Variants in STK32A observed in about 807,000 individuals in gnomAD.
STK32A encodes the protein serine/threonine-protein kinase 32A.
In STK32A, 41 loss-of-function variants were observed where a neutral mutation model predicts 53.2. The observed-to-expected ratio is 0.77, with a 90% CI of 0.60 to 1.00. STK32A has a LOEUF of 1.00. STK32A is among the 50% of genes least tolerant of loss of function. STK32A has a pLI of 0.00. For synonymous variants in STK32A, 166 were observed against 162.8 expected, an observed-to-expected ratio of 1.02 and a Z score of -0.15; for missense variants, 458 against 485.8, an observed-to-expected ratio of 0.94 and a Z score of 0.54.
chr5:147,249,207 T>C (rs1753876202), intron 2 of STK32A, among the ~76,000 whole-genome samples: 1 of 152,168 alleles, frequency 6.6e-6, no homozygotes, highest in African/African-American at 2.4e-5. Context: ...ATTGTGGAAA[T>C]AGAATTTTTT....
At chr5:147,289,158 G>GTT (rs149609239) in intron 4 of STK32A, among the ~76,000 whole-genome samples, 21,124 of 151,500 alleles carry the variant, frequency 0.14, 1,945 homozygotes, top group South Asian at 0.37. Context: ...TATGTTGCTT[G>GTT]TTTTGTTTTG....
chr5:147,401,515 T>C, the STK32A span: 19 of 1,594,050 alleles, frequency 1.2e-5, no homozygotes, highest in African/African-American at 2.6e-4. Context: ...ACAAAACGCC[T>C]GCTGCTGGGC....
intron 4 of STK32A, among the ~76,000 whole-genome samples, chr5:147,302,308 A>T (rs6872651): frequency 0.19 from 28,260 of 152,144 alleles, 2,848 homozygotes; most frequent in Middle Eastern, 0.24. Context: ...AAGGGTCAGA[A>T]TCTAGTTTAA....
chr5:147,320,298 A>G (rs921060217), intron 4 of STK32A, among the ~76,000 whole-genome samples: 1 of 151,890 alleles, frequency 6.6e-6, no homozygotes, highest in African/African-American at 2.4e-5. Flanking sequence ...TTTTCTTTTT[A>G]CTTCTTTACC....
rs372376059 is a variant in STK32A at position 147,363,553 on chromosome 5, C to T, written c.660+1939C>T. The stretch of plus-strand genomic sequence containing the variant: ...ATGGCAGCCCTGATGATCTGTGAAT[C>T]GCCCTCATGATCCTTCTTCCTTTTA... On this transcript the variant is annotated intron_variant, in intron 8 of 12. Transcript: ENST00000397936. Among the ~76,000 whole-genome samples the T allele has an allele frequency of 2.4e-4, 37 of 152,284 alleles. No homozygotes were observed. In the East Asian group the frequency reaches 5.4e-3, roughly 22 times the overall value.
At chr5:147,288,378 A>G (rs973911033) in intron 4 of STK32A, among the ~76,000 whole-genome samples, 5 of 152,212 alleles carry the variant, frequency 3.3e-5, no homozygotes, top group Admixed American at 3.3e-4. Flanking sequence ...ATCTTTCCAC[A>G]TTTATAAACC....
intron 4 of STK32A, among the ~76,000 whole-genome samples, chr5:147,299,111 C>A (rs905380985): frequency 6.6e-6 from 1 of 152,098 alleles, no homozygotes; most frequent in Non-Finnish European, 1.5e-5. Context: ...AGTAAAGGAA[C>A]AAAAGAATGG....
At chr5:147,331,152 G>A (rs889703516) in intron 5 of STK32A, among the ~76,000 whole-genome samples, 2 of 152,188 alleles carry the variant, frequency 1.3e-5, no homozygotes, top group Admixed American at 6.5e-5. Flanking sequence ...GTGGGAATGA[G>A]TCATCTGGAA....
At chr5:147,276,541 T>C (rs1755269390) in intron 2 of STK32A, among the ~76,000 whole-genome samples, 1 of 152,204 alleles carries the variant, frequency 6.6e-6, no homozygotes. Context: ...GGTTCTTGTG[T>C]ATTCTTATAG....
intron 2 of STK32A, among the ~76,000 whole-genome samples, chr5:147,271,813 G>A (rs1384231215): frequency 6.6e-6 from 1 of 152,118 alleles, no homozygotes; most frequent in Non-Finnish European, 1.5e-5. Context: ...CTGATAAGAT[G>A]TTATCAATGA....
intron 4 of STK32A, among the ~76,000 whole-genome samples, chr5:147,316,669 A>G (rs563415317): frequency 2.0e-5 from 3 of 152,232 alleles, no homozygotes; most frequent in African/African-American, 7.2e-5. Context: ...CAGTCTGAGC[A>G]ACATAGTAAG....
intron 4 of STK32A, among the ~76,000 whole-genome samples, chr5:147,321,530 C>A (rs553946244): frequency 3.3e-5 from 5 of 152,324 alleles, no homozygotes; most frequent in African/African-American, 9.6e-5. Flanking sequence ...TTGCCTGGGC[C>A]TCTTCTGTCT....
At chr5:147,356,342 C>T (rs11951154) in intron 7 of STK32A, among the ~76,000 whole-genome samples, 4 of 152,040 alleles carry the variant, frequency 2.6e-5, no homozygotes, top group Non-Finnish European at 5.9e-5. Context: ...TGTGAGGCCA[C>T]TACTATCGTT....
At chr5:147,368,842 A>C (rs149516541) in intron 8 of STK32A, among the ~76,000 whole-genome samples, 3 of 152,188 alleles carry the variant, frequency 2.0e-5, no homozygotes, top group Non-Finnish European at 4.4e-5. Flanking sequence ...CAGTTAATTC[A>C]TTTGTTTATA....
chr5:147,248,082 T>C (rs1010248613), intron 2 of STK32A, among the ~76,000 whole-genome samples: 5 of 147,074 alleles, frequency 3.4e-5, no homozygotes, highest in Non-Finnish European at 3.0e-5. Flanking sequence ...GATTGCACCA[T>C]TGCACTCCAG....
intron 4 of STK32A, among the ~76,000 whole-genome samples, chr5:147,322,308 C>T (rs1176125028): frequency 2.6e-5 from 4 of 152,142 alleles, no homozygotes; most frequent in African/African-American, 9.7e-5. Context: ...TTTTCCAAGA[C>T]GTATTCTGTG....
At chr5:147,271,986 C>G (rs1384873210) in intron 2 of STK32A, among the ~76,000 whole-genome samples, 1 of 152,108 alleles carries the variant, frequency 6.6e-6, no homozygotes, top group Admixed American at 6.6e-5. Flanking sequence ...TTTGAAAATC[C>G]CTAATAAAAA....
chr5:147,313,627 A>G (rs998936467), intron 4 of STK32A, among the ~76,000 whole-genome samples: 1 of 152,236 alleles, frequency 6.6e-6, no homozygotes, highest in African/African-American at 2.4e-5. Context: ...AGCCAAAACA[A>G]TCTTGAAAAA....
Position 147,384,422 on chromosome 5 carries a change from T to G in STK32A, c.*439T>G. On this transcript the variant is annotated 3_prime_UTR_variant, in exon 13 of 13. Transcript: ENST00000397936. ...AGGACTCAGTGAGACTTTTCAGACC[T>G]CGAAAGTTTCATAAAGTGGTCAGAA... The G allele has an allele frequency of 1.3e-6, 2 of 1,534,464 alleles. No homozygotes were observed. Among genetic ancestry groups the G allele is most frequent in the Non-Finnish European group, 1.7e-6 (2 of 1,146,176 alleles).
Sources: allele counts gnomAD v4.1 joint callset (sites outside exome capture counted in the v4.1 genomes callset), GRCh38; gene constraint gnomAD v4.1.1; transcripts MANE v1.5; gene names NCBI Gene and HGNC (gene_info 2026-07-23, HGNC 2026-07-21).